PAK2: variants seen among roughly 807,000 people sequenced by gnomAD.
The protein encoded by PAK2 is serine/threonine-protein kinase PAK 2.
In PAK2, 21 loss-of-function variants were observed where a neutral mutation model predicts 65.9. That is an observed-to-expected ratio of 0.32 (90% confidence interval 0.23 to 0.46). The LOEUF (loss-of-function observed/expected upper bound fraction) is 0.46. PAK2 is among the 20% of genes least tolerant of loss of function. PAK2 has a pLI of 1.00. For synonymous variants in PAK2, 204 were observed against 219.7 expected, an observed-to-expected ratio of 0.93 and a Z score of 0.63; for missense variants, 324 against 642.6, an observed-to-expected ratio of 0.50 and a Z score of 5.36.
intron 13 of PAK2, among the ~76,000 whole-genome samples, chr3:196,824,610 CAG>C (rs750443796): frequency 2.0e-5 from 3 of 152,042 alleles, no homozygotes; most frequent in Admixed American, 6.6e-5. Context: ...AGGTGAAGCA[CAG>C]GGAATTTTTT....
intron 1 of PAK2, among the ~76,000 whole-genome samples, chr3:196,782,400 C>A (rs1210761868): frequency 3.9e-5 from 6 of 151,998 alleles, no homozygotes. Context: ...CATGATGTTT[C>A]CATTTGACTT....
intron 7 of PAK2, among the ~76,000 whole-genome samples, chr3:196,809,755 C>G (rs1715713717): frequency 6.6e-6 from 1 of 151,424 alleles, no homozygotes; most frequent in South Asian, 2.1e-4. Flanking sequence ...TGTTCTTAGC[C>G]TCTTATTATT....
At chr3:196,811,797 A>G (rs1438226044) in intron 8 of PAK2, among the ~76,000 whole-genome samples, 1 of 152,068 alleles carries the variant, frequency 6.6e-6, no homozygotes, top group Non-Finnish European at 1.5e-5. Context: ...AGTTAAAAGT[A>G]TGGAGAAATG....
At position 196,807,858 on chromosome 3, in the gene PAK2, T is replaced by C. The variant is rs1715636018; in HGVS notation, c.653T>C (p.Leu218Ser). The change falls in exon 7 of 15, where the codon TTA (leucine) becomes TCA (serine). Residue 218 changes from leucine (L) to serine (S), a missense_variant. Coordinates refer to ENST00000327134, the MANE Select transcript of PAK2 (RefSeq NM_002577.4). The stretch of plus-strand genomic sequence containing the variant: ...CATGTTGATGGTGCTGCCAAGTCTT[T>C]AGACAAACAGAAAAAGAAGACTAAG... ...DSHVDGAAKS[L>S]DKQKKKTKMT... The C allele has an allele frequency of 1.2e-6, 2 of 1,611,348 alleles. No individual in the cohort carries two copies. Among genetic ancestry groups the C allele is most frequent in the Non-Finnish European group, 1.7e-6 (2 of 1,177,646 alleles).
chr3:196,788,827 G>A (rs868586669), intron 2 of PAK2, among the ~76,000 whole-genome samples: 1 of 152,184 alleles, frequency 6.6e-6, no homozygotes, highest in South Asian at 2.1e-4. Context: ...CACATCCATG[G>A]AGCTGAGTGC....
intron 13 of PAK2, among the ~76,000 whole-genome samples, chr3:196,825,363 G>A (rs755489306): frequency 2.1e-5 from 3 of 140,002 alleles, no homozygotes; most frequent in Non-Finnish European, 4.6e-5. Flanking sequence ...AAATAAATAG[G>A]CCAGATGCAG....
At chr3:196,800,127 T>A (rs1715377700) in intron 2 of PAK2, among the ~76,000 whole-genome samples, 1 of 152,168 alleles carries the variant, frequency 6.6e-6, no homozygotes, top group Non-Finnish European at 1.5e-5. Flanking sequence ...ATGTCTGTAA[T>A]CCCAGCACTT....
intron 1 of PAK2, among the ~76,000 whole-genome samples, chr3:196,773,163 GT>G (rs1714414987): frequency 6.6e-6 from 1 of 152,138 alleles, no homozygotes; most frequent in South Asian, 2.1e-4. Flanking sequence ...AGTACAGTGT[GT>G]TTTGGGCACA....
At chr3:196,822,261 C>G (rs1032764777) in intron 13 of PAK2, among the ~76,000 whole-genome samples, 1 of 152,208 alleles carries the variant, frequency 6.6e-6, no homozygotes, top group East Asian at 1.9e-4. Flanking sequence ...ACAAAAATTC[C>G]TGCTCTTACA....
rs368717013 is a variant in PAK2 at position 196,816,130 on chromosome 3, C to T, written c.1053+1562C>T. Reference sequence around the variant, plus strand: ...TCATAGGAATCACTGTCACAAAGGGCAAAACTTTAAGTTTATAAGACTATA... The same window carrying T: ...TCATAGGAATCACTGTCACAAAGGGTAAAACTTTAAGTTTATAAGACTATA... On this transcript the variant is annotated intron_variant, in intron 11 of 14. Transcript: ENST00000327134. 2.6e-5 allele frequency among the ~76,000 whole-genome samples: 4 copies of T among 151,682 alleles called. No homozygotes were observed. The South Asian group carries it at 6.2e-4, about 24-fold the overall frequency.
At chr3:196,746,581 G>A (rs564002290) in intron 1 of PAK2, among the ~76,000 whole-genome samples, 1 of 152,258 alleles carries the variant, frequency 6.6e-6, no homozygotes, top group East Asian at 1.9e-4. Flanking sequence ...GGAGGCCGAG[G>A]CAGGTGGATC....
rs1008870186 is a variant in PAK2 at position 196,807,927 on chromosome 3, C to T, written c.709+13C>T. On this transcript the variant is annotated intron_variant, in intron 7 of 14. Transcript: ENST00000327134. The stretch of plus-strand genomic sequence containing the variant: ...ATGGAGAAATTAAGTATGTTATCTA[C>T]ATTTTACATCATTGTTAAATTGTTC... 1 of 1,582,774 alleles carries T rather than the reference C, an allele frequency of 6.3e-7. No homozygotes were observed. Among genetic ancestry groups the T allele is most frequent in the Non-Finnish European group, 8.7e-7 (1 of 1,154,856 alleles).
At position 196,791,573 on chromosome 3, in the gene PAK2, AT is replaced by A; in HGVS notation, c.187+8747del. 6.6e-6 allele frequency among the ~76,000 whole-genome samples: 1 copy of A among 151,864 alleles called. No individual in the cohort carries two copies. Among genetic ancestry groups the A allele is most frequent in the Non-Finnish European group, 1.5e-5 (1 of 67,952 alleles). ...TGTTATCTCTCACCCTTCTTTTTAT[AT>A]TTTTTTCTTATTTTATATTTCTTAT... On this transcript the variant is annotated intron_variant, in intron 2 of 14. Transcript: ENST00000327134. This position sits in a 1 kb window ranked among gnomAD's most constrained non-coding sequence, Gnocchi z 4.0.
At chr3:196,743,610 G>T (rs1408086929) in intron 1 of PAK2, among the ~76,000 whole-genome samples, 2 of 152,144 alleles carry the variant, frequency 1.3e-5, no homozygotes, top group Non-Finnish European at 2.9e-5. Flanking sequence ...CACATTAGGA[G>T]GCTGAGGTGG....
chr3:196,759,506 T>G (rs1577701736), intron 1 of PAK2, among the ~76,000 whole-genome samples: 64 of 26,092 alleles, frequency 2.5e-3, no homozygotes, highest in South Asian at 6.7e-3. Context: ...TTGTTTTTTT[T>G]TTTTTTTTTT....
intron 1 of PAK2, among the ~76,000 whole-genome samples, chr3:196,744,482 G>A (rs2108704208): frequency 6.6e-6 from 1 of 152,286 alleles, no homozygotes; most frequent in Non-Finnish European, 1.5e-5. Context: ...GAGGTATAGT[G>A]AGCTATGATT....
At chr3:196,795,406 G>T (rs189444536) in intron 2 of PAK2, among the ~76,000 whole-genome samples, 1 of 152,070 alleles carries the variant, frequency 6.6e-6, no homozygotes, top group Non-Finnish European at 1.5e-5. Flanking sequence ...GGTTGAGGCC[G>T]CAGTGAGCTG....
chr3:196,804,760 C>T (rs968555169), intron 4 of PAK2, among the ~76,000 whole-genome samples: 15 of 151,786 alleles, frequency 9.9e-5, no homozygotes, highest in African/African-American at 3.4e-4. Flanking sequence ...TGAGCCACCG[C>T]GCCCGGCCTG....
chr3:196,778,418 C>T (rs977582971), intron 1 of PAK2, among the ~76,000 whole-genome samples: 6 of 152,252 alleles, frequency 3.9e-5, no homozygotes, highest in South Asian at 4.1e-4. Flanking sequence ...AGTGGAATTG[C>T]GGGGTCGCAT....
Sources: gnomAD v4.1 joint callset for allele counts (sites outside exome capture counted in the v4.1 genomes callset) on GRCh38, gnomAD v4.1.1 for gene constraint, Gnocchi (gnomAD v3.1) non-coding constraint, MANE v1.5 for transcripts, NCBI Gene and HGNC (gene_info 2026-07-23, HGNC 2026-07-21) for gene names.